The following CCNL1 variants were observed in gnomAD, a reference collection of about 807,000 sequenced individuals.
CCNL1 encodes cyclin-L1.
CCNL1 carries 13 observed loss-of-function variants against 60.6 expected under a neutral mutation model. The observed-to-expected ratio is 0.21, with a 90% CI of 0.14 to 0.34. The LOEUF is 0.34. CCNL1 is among the 10% of genes least tolerant of loss of function. The pLI is 1.00. For missense variants in CCNL1, 481 were observed against 664.3 expected, an observed-to-expected ratio of 0.72 and a Z score of 3.03; for synonymous variants, 270 against 244.3, an observed-to-expected ratio of 1.10 and a Z score of -0.98.
In CCNL1 at chr3:157,148,042, T is replaced by C; in HGVS notation, c.*199A>G. On this transcript the variant is annotated 3_prime_UTR_variant, in exon 11 of 11. Coordinates refer to ENST00000295926, the MANE Select transcript of CCNL1 (RefSeq NM_020307.4). ...AACCTGACCATGGTTTTTAATTAGA[T>C]ACTGCTAGGGCATTTTAATGTGCAA... The C allele has an allele frequency of 7.5e-7, 1 of 1,341,040 alleles. No individual in the cohort carries two copies. The highest frequency in any genetic ancestry group is 9.5e-7 in the Non-Finnish European group (1 of 1,050,864). The allele number at this position is 1,341,040 out of a possible 1,614,324, so 83.1% of individuals were successfully genotyped here.
Position 157,159,962 on chromosome 3 carries a change from G to T in CCNL1, c.133C>A (p.Arg45Ser). Residue 45 changes from arginine to serine, a missense_variant, in exon 1 of 11, where the codon CGC (arginine) becomes AGC (serine). Around this residue, in one of 5 missense-constraint regions of CCNL1, gnomAD observed 130 missense variants for 174.5 expected, o/e 0.75. Transcript: ENST00000295926. ...GTAAGTGAAACTTCCGAGTACAGGC[G>T]ATCGCCGATCAGGATCCCTCCCGTC... ...TTTGGILIGD[R>S]LYSEVSLTID... 6.3e-7 allele frequency: 1 copy of T among 1,596,828 alleles called. No individual in the cohort carries two copies.
chr3:157,148,662 C>G, intron 10 of CCNL1, 73 bp from the exon 11 acceptor site: 1 of 1,375,414 alleles, frequency 7.3e-7, no homozygotes. Flanking sequence ...TTGCTCATAA[C>G]AGGTTCAAAA....
downstream of CCNL1, among the ~76,000 whole-genome samples, chr3:157,143,181 T>C (rs1435274190): frequency 6.6e-6 from 1 of 152,166 alleles, no homozygotes; most frequent in Non-Finnish European, 1.5e-5. Flanking sequence ...AATGTAAACA[T>C]TTCCAATTAA....
intron 4 of CCNL1, chr3:157,152,500 T>C: frequency 5.1e-6 from 6 of 1,168,866 alleles, no homozygotes; most frequent in Non-Finnish European, 6.3e-6. Context: ...CACTTTACTA[T>C]GTGATGGGCA....
chr3:157,158,507 C>A (rs983020523), intron 3 of CCNL1, among the ~76,000 whole-genome samples: 2 of 152,232 alleles, frequency 1.3e-5, no homozygotes, highest in Non-Finnish European at 2.9e-5. Flanking sequence ...AGTGTTTAAA[C>A]TTCCAGCCTT....
chr3:157,149,811 C>A (rs1738034876), intron 8 of CCNL1, 25 bp downstream of exon 8: 1 of 1,602,556 alleles, frequency 6.2e-7, no homozygotes, highest in African/African-American at 1.3e-5. Context: ...GCCCCCAAGT[C>A]ATTTTAATTC....
intron 5 of CCNL1, chr3:157,150,887 G>GGGAA (rs1738139925): frequency 1.0e-6 from 1 of 984,170 alleles, no homozygotes; most frequent in Admixed American, 6.1e-5. Flanking sequence ...AGAAAGCTAA[G>GGGAA]ATACTTAGAA....
In CCNL1 at chr3:157,153,106, T is replaced by G; in HGVS notation, c.539A>C (p.Gln180Pro). The change falls in exon 4 of 11, where the codon CAA becomes CCA. Residue 180 changes from glutamine to proline, a missense_variant. By Grantham distance (76) the Gln-to-Pro change is moderately conservative. This residue lies in a region of CCNL1 where 14 missense variants were observed against 68.8 expected (regional missense o/e 0.20). Transcript: ENST00000295926. ...CACCCTCCTCTCTGCTTTGATAACT[T>G]GATTTTTGGTGTTAATGTAGTTCTG... ...LDQNYINTKN[Q>P]VIKAERRVLK... 6.2e-7 allele frequency: 1 copy of G among 1,613,648 alleles called. No individual in the cohort carries two copies. The highest frequency in any genetic ancestry group is 8.5e-7 in the Non-Finnish European group (1 of 1,179,682).
intron 5 of CCNL1, chr3:157,150,910 G>A: frequency 2.0e-6 from 2 of 983,090 alleles, no homozygotes; most frequent in South Asian, 4.7e-5. Flanking sequence ...TCTAGATAGG[G>A]AAATAAAGAG....
chr3:157,146,522 A>T (rs1263003600), downstream of CCNL1: 1 of 450,924 alleles, frequency 2.2e-6, no homozygotes, highest in African/African-American at 2.0e-5. Context: ...ACTATTAAGA[A>T]TTTAATACTT....
chr3:157,150,032 G>C (rs768298158), intron 7 of CCNL1, 33 bp downstream of exon 7: 1 of 1,608,654 alleles, frequency 6.2e-7, no homozygotes, highest in Admixed American at 1.7e-5. Context: ...TGGACTCTTA[G>C]CATGTTGGCA....
chr3:157,156,232 A>G lies in CCNL1; in HGVS notation c.488+2634T>C, dbSNP rs75242713. On this transcript the variant is annotated intron_variant, in intron 3 of 10. Coordinates refer to ENST00000295926, the MANE Select transcript of CCNL1 (RefSeq NM_020307.4). Reference sequence around the variant, plus strand: ...ATACAAAAATTTGTAATGCCTACTTAAAAGTAGAAACATCCTTTATAGGTA... The same window carrying G: ...ATACAAAAATTTGTAATGCCTACTTGAAAGTAGAAACATCCTTTATAGGTA... Among the ~76,000 whole-genome samples, 477 of 152,348 alleles carry G rather than the reference A, an allele frequency of 3.1e-3. 1 individual carries two copies. Among genetic ancestry groups the G allele is most frequent in the African/African-American group, 0.011 (443 of 41,586 alleles).
chr3:157,156,905 A>C, intron 3 of CCNL1: 1 of 1,285,224 alleles, frequency 7.8e-7, no homozygotes. Flanking sequence ...AAGAAACAGG[A>C]GTTTTTCTAA....
downstream of CCNL1, among the ~76,000 whole-genome samples, chr3:157,144,811 T>C (rs1737733792): frequency 1.3e-5 from 2 of 152,256 alleles, no homozygotes; most frequent in South Asian, 4.1e-4. Flanking sequence ...TTGAAACTTA[T>C]CTTCATAATC....
downstream of CCNL1, among the ~76,000 whole-genome samples, chr3:157,145,842 CAA>C (rs1737770421): frequency 6.6e-6 from 1 of 152,080 alleles, no homozygotes; most frequent in Non-Finnish European, 1.5e-5. Flanking sequence ...ACCCAGGAGA[CAA>C]AAAATTCTTC....
intron 3 of CCNL1, among the ~76,000 whole-genome samples, chr3:157,158,083 AG>A (rs1738764715): frequency 6.6e-6 from 1 of 152,238 alleles, no homozygotes; most frequent in South Asian, 2.1e-4. Context: ...CTGTAGATGC[AG>A]GAAGTCCTGC....
At chr3:157,150,955 T>A in intron 5 of CCNL1, 1 of 984,004 alleles carries the variant, frequency 1.0e-6, no homozygotes, top group Non-Finnish European at 1.2e-6. Flanking sequence ...TTTACATACC[T>A]TTTTTGTGAC....
chr3:157,158,219 CTA>C (rs1312160049), intron 3 of CCNL1, among the ~76,000 whole-genome samples: 1 of 152,202 alleles, frequency 6.6e-6, no homozygotes, highest in Non-Finnish European at 1.5e-5. Flanking sequence ...ATGGCCCTAT[CTA>C]AATGCAACCC....
At chr3:157,144,872 TATG>T (rs150551183), downstream of CCNL1, among the ~76,000 whole-genome samples, 5,000 of 152,346 alleles carry the variant, frequency 0.033, 203 homozygotes, top group South Asian at 0.18. Context: ...AAATGATTGT[TATG>T]ATATTATTTT....
Sources: gnomAD v4.1 joint callset for allele counts (sites outside exome capture counted in the v4.1 genomes callset) on GRCh38, gnomAD v4.1.1 for gene constraint, gnomAD v4.1.1 regional missense constraint, MANE v1.5 for transcripts, NCBI Gene and HGNC (gene_info 2026-07-23, HGNC 2026-07-21) for gene names.